The following PTPRO variants were observed in gnomAD, a reference collection of about 807,000 sequenced individuals.
PTPRO encodes receptor-type tyrosine-protein phosphatase O.
PTPRO carries 62 observed loss-of-function variants against 145.2 expected under a neutral mutation model. That is an observed-to-expected ratio of 0.43 (90% CI 0.35 to 0.53). The LOEUF (loss-of-function observed/expected upper bound fraction) is 0.53, where lower values mean the gene tolerates loss of function less well. Among genes scored for constraint, PTPRO ranks in the 20% least tolerant of loss-of-function variants. The pLI is 0.01. For missense variants in PTPRO, 1,345 were observed against 1,482.7 expected (o/e 0.91, Z 1.53); for synonymous variants, 565 against 514.7 (o/e 1.10, Z -1.32).
At chr12:15,479,716 G>C (rs1446375170) in intron 1 of PTPRO, among the ~76,000 whole-genome samples, 1 of 152,196 alleles carries the variant, frequency 6.6e-6, no homozygotes, top group African/African-American at 2.4e-5. Context: ...AGAATACACT[G>C]GTCTTGATGA....
intron 23 of PTPRO, among the ~76,000 whole-genome samples, chr12:15,583,885 T>C (rs1481079591): frequency 6.6e-6 from 1 of 152,236 alleles, no homozygotes; most frequent in Admixed American, 6.5e-5. Flanking sequence ...ATGTCTTTTA[T>C]GACCAGGAGA....
chr12:15,515,992 G>GTTTTT (rs869246291), intron 8 of PTPRO, among the ~76,000 whole-genome samples: 10 of 126,836 alleles, frequency 7.9e-5, no homozygotes, highest in Non-Finnish European at 1.4e-4. Context: ...TTTTTGTTTT[G>GTTTTT]TTTTTTTTTT....
At chr12:15,477,992 A>G (rs1177871407) in intron 1 of PTPRO, among the ~76,000 whole-genome samples, 2 of 152,114 alleles carry the variant, frequency 1.3e-5, no homozygotes, top group African/African-American at 4.8e-5. Flanking sequence ...CTGCTCCACC[A>G]AGCAGGGGAC....
intron 10 of PTPRO, among the ~76,000 whole-genome samples, chr12:15,522,243 C>A (rs906574067): frequency 1.5e-5 from 2 of 137,528 alleles, no homozygotes; most frequent in Non-Finnish European, 3.1e-5. Flanking sequence ...TTTATTTTAA[C>A]CTTCTTTTTT....
chr12:15,556,484 A>G (rs1943629034), intron 15 of PTPRO, among the ~76,000 whole-genome samples: 2 of 151,518 alleles, frequency 1.3e-5, no homozygotes, highest in African/African-American at 4.9e-5. Flanking sequence ...GCATGAGAAT[A>G]TGTTTACTTT....
chr12:15,504,539 G>A lies in PTPRO; in HGVS notation c.1267+470G>A, dbSNP rs539453781. Reference sequence around the variant, plus strand: ...AAACTGGTGGGAAAAGTCATAGCTAGAGCAACCTGAAAGTCCCAGTGTCAA... The same window carrying A: ...AAACTGGTGGGAAAAGTCATAGCTAAAGCAACCTGAAAGTCCCAGTGTCAA... On this transcript the variant is annotated intron_variant, in intron 6 of 26. Transcript: ENST00000281171. Among the ~76,000 whole-genome samples the A allele has an allele frequency of 2.6e-5, 4 of 152,274 alleles. No individual in the cohort carries two copies. In the South Asian group the frequency reaches 8.3e-4, roughly 32 times the overall value.
At chr12:15,324,625 C>T (rs969365526) in intron 1 of PTPRO, among the ~76,000 whole-genome samples, 3 of 152,026 alleles carry the variant, frequency 2.0e-5, no homozygotes, top group African/African-American at 7.2e-5. Context: ...TAGTGGGACA[C>T]ATAATTTTGT....
rs375664185 is a variant in PTPRO, at chr12:15,453,152, G to A, written c.76-30822G>A. Reference sequence around the variant, plus strand: ...GATCCAGATTTAGAAAATCTGGACCGGCTAATTTTTGTATTTGTAGTAGAG... The same window carrying A: ...GATCCAGATTTAGAAAATCTGGACCAGCTAATTTTTGTATTTGTAGTAGAG... On this transcript the variant is annotated intron_variant, in intron 1 of 26. Transcript: ENST00000281171. Among the ~76,000 whole-genome samples the A allele has an allele frequency of 9.2e-4, 140 of 151,924 alleles. 1 individual carries two copies. Among genetic ancestry groups the A allele is most frequent in the African/African-American group, 3.3e-3 (136 of 41,442 alleles).
At chr12:15,360,897 T>TACACACATATATACACACATGTATAC (rs1938177247) in intron 1 of PTPRO, among the ~76,000 whole-genome samples, 1 of 141,098 alleles carries the variant, frequency 7.1e-6, no homozygotes, top group Non-Finnish European at 1.6e-5. Context: ...CATGTGTATA[T>TACACACATATATACACACATGTATAC]ACACACACAT....
At chr12:15,462,971 C>A (rs1941339039) in intron 1 of PTPRO, among the ~76,000 whole-genome samples, 1 of 152,020 alleles carries the variant, frequency 6.6e-6, no homozygotes, top group Non-Finnish European at 1.5e-5. Context: ...AACAAAGAAT[C>A]ATATTGTTAT....
chr12:15,361,455 A>AG (rs1202040075), intron 1 of PTPRO, among the ~76,000 whole-genome samples: 3 of 151,304 alleles, frequency 2.0e-5, no homozygotes, highest in African/African-American at 4.8e-5. Context: ...AAAAAAAAAA[A>AG]AAAGAAAGAA....
chr12:15,572,789 G>A (rs989041100), intron 19 of PTPRO, among the ~76,000 whole-genome samples: 1 of 152,074 alleles, frequency 6.6e-6, no homozygotes, highest in Non-Finnish European at 1.5e-5. Context: ...TAGATCAATG[G>A]TTCTCAACTG....
At chr12:15,523,731 C>T (rs1299924589) in intron 10 of PTPRO, among the ~76,000 whole-genome samples, 1 of 151,516 alleles carries the variant, frequency 6.6e-6, no homozygotes, top group African/African-American at 2.4e-5. Context: ...GCTGAGATTG[C>T]GCCACTGCAC....
At chr12:15,438,939 C>A (rs1940678654) in intron 1 of PTPRO, among the ~76,000 whole-genome samples, 1 of 151,994 alleles carries the variant, frequency 6.6e-6, no homozygotes, top group Non-Finnish European at 1.5e-5. Flanking sequence ...AAGGTCAACG[C>A]TAAAGAAAAA....
intron 1 of PTPRO, among the ~76,000 whole-genome samples, chr12:15,350,524 T>G (rs1297246670): frequency 6.6e-6 from 1 of 152,230 alleles, no homozygotes; most frequent in Non-Finnish European, 1.5e-5. Flanking sequence ...AGGCTGGTGT[T>G]GCAACTGATT....
At chr12:15,349,571 TA>T (rs1341060388) in intron 1 of PTPRO, among the ~76,000 whole-genome samples, 2 of 152,202 alleles carry the variant, frequency 1.3e-5, no homozygotes, top group African/African-American at 4.8e-5. Flanking sequence ...ACACTTTACA[TA>T]TATAATTCCA....
At chr12:15,419,638 G>A (rs1040348024) in intron 1 of PTPRO, among the ~76,000 whole-genome samples, 6 of 151,354 alleles carry the variant, frequency 4.0e-5, no homozygotes, top group Admixed American at 6.6e-5. Context: ...TTTATGCACC[G>A]CATTTACTTG....
chr12:15,457,105 C>A (rs1278992238), intron 1 of PTPRO, among the ~76,000 whole-genome samples: 3 of 152,148 alleles, frequency 2.0e-5, no homozygotes, highest in Non-Finnish European at 4.4e-5. Context: ...ATTTCTCCTG[C>A]CCTTGGACAT....
At chr12:15,346,206 T>C (rs1237676929) in intron 1 of PTPRO, among the ~76,000 whole-genome samples, 1 of 152,204 alleles carries the variant, frequency 6.6e-6, no homozygotes, top group Non-Finnish European at 1.5e-5. Flanking sequence ...AATCCAACTA[T>C]CTGCTAAATT....
Sources: gnomAD v4.1 joint callset for allele counts (sites outside exome capture counted in the v4.1 genomes callset) on GRCh38, gnomAD v4.1.1 for gene constraint, MANE v1.5 for transcripts, NCBI Gene and HGNC (gene_info 2026-07-23, HGNC 2026-07-21) for gene names.